The following PTPRD variants were observed in gnomAD, a reference collection of about 807,000 sequenced individuals.
PTPRD encodes the protein receptor-type tyrosine-protein phosphatase delta.
Under a neutral mutation model 214.5 loss-of-function variants are expected in PTPRD, and 34 were observed. That is an observed-to-expected ratio of 0.16 (90% CI 0.12 to 0.21). The LOEUF (loss-of-function observed/expected upper bound fraction) is 0.21. PTPRD is among the 10% of genes least tolerant of loss of function. The pLI is 1.00. For missense variants in PTPRD, 2,545 were observed against 2,398.7 expected, an observed-to-expected ratio of 1.06 and a Z score of -1.27; for synonymous variants, 1,128 against 845.7, an observed-to-expected ratio of 1.33 and a Z score of -5.79.
At chr9:10,068,018 C>T (rs975192892) in intron 3 of PTPRD, among the ~76,000 whole-genome samples, 1 of 151,904 alleles carries the variant, frequency 6.6e-6, no homozygotes, top group Non-Finnish European at 1.5e-5. Flanking sequence ...ACTTTTCCTT[C>T]TATATTTCTG....
intron 6 of PTPRD, among the ~76,000 whole-genome samples, chr9:9,752,273 G>A (rs2098528016): frequency 6.6e-6 from 1 of 152,002 alleles, no homozygotes; most frequent in African/African-American, 2.4e-5. Context: ...TGCCAGTTAT[G>A]CTTTTCCATA....
chr9:9,970,438 A>AG (rs2095023799), intron 4 of PTPRD, among the ~76,000 whole-genome samples: 1 of 140,310 alleles, frequency 7.1e-6, no homozygotes, highest in Admixed American at 7.2e-5. Context: ...TCAAAAAAAA[A>AG]AAAAAGAAAA....
At chr9:8,778,413 T>G (rs1338273198) in intron 11 of PTPRD, among the ~76,000 whole-genome samples, 1 of 152,204 alleles carries the variant, frequency 6.6e-6, no homozygotes, top group Non-Finnish European at 1.5e-5. Flanking sequence ...CAGCTCAGCC[T>G]CCTCTAACTT....
At chr9:8,519,837 G>A (rs1006203366) in intron 20 of PTPRD, among the ~76,000 whole-genome samples, 5 of 152,162 alleles carry the variant, frequency 3.3e-5, no homozygotes, top group African/African-American at 1.2e-4. Flanking sequence ...ACAAAGATGA[G>A]AAGGTGAACA....
At chr9:9,679,017 G>C (rs1478383195) in intron 7 of PTPRD, among the ~76,000 whole-genome samples, 1 of 151,224 alleles carries the variant, frequency 6.6e-6, no homozygotes, top group Non-Finnish European at 1.5e-5. Context: ...AGAAAAGAGG[G>C]TTAAATGCAT....
intron 11 of PTPRD, among the ~76,000 whole-genome samples, chr9:8,852,890 A>G (rs750442025): frequency 6.6e-6 from 1 of 152,198 alleles, no homozygotes; most frequent in Non-Finnish European, 1.5e-5. Context: ...AAGATACAGA[A>G]TTAATCATTT....
chr9:8,413,026 T>C (rs1473998687), intron 35 of PTPRD, among the ~76,000 whole-genome samples: 4 of 152,206 alleles, frequency 2.6e-5, no homozygotes, highest in Admixed American at 2.6e-4. Context: ...AGAAACACTA[T>C]AAGGAAAATT....
rs924513186 is a variant in PTPRD, at chr9:8,354,649, T to C, written c.4662-12671A>G. 3.3e-5 allele frequency among the ~76,000 whole-genome samples: 5 copies of C among 152,328 alleles called. No individual in the cohort carries two copies. In the South Asian group the frequency reaches 8.3e-4, roughly 25 times the overall value. ...TGTTTGTTGGTTGGTTTGACTCAAG[T>C]AGTTGCATATATTTACAGGCTTAAG... On this transcript the variant is annotated intron_variant, in intron 39 of 45. Coordinates refer to ENST00000381196, the MANE Select transcript of PTPRD (RefSeq NM_002839.4).
intron 11 of PTPRD, among the ~76,000 whole-genome samples, chr9:9,008,314 G>C (rs983101258): frequency 6.6e-6 from 1 of 151,160 alleles, no homozygotes; most frequent in African/African-American, 2.4e-5. Context: ...TGCAAGCTCC[G>C]CCTCCCCAGT....
chr9:8,840,336 T>C (rs1396152465), intron 11 of PTPRD, among the ~76,000 whole-genome samples: 1 of 152,166 alleles, frequency 6.6e-6, no homozygotes, highest in African/African-American at 2.4e-5. Flanking sequence ...TTGATGGTTT[T>C]AAAAAGAAGA....
intron 4 of PTPRD, among the ~76,000 whole-genome samples, chr9:10,004,938 G>T (rs2096438802): frequency 6.6e-6 from 1 of 152,010 alleles, no homozygotes; most frequent in Admixed American, 6.6e-5. Context: ...TCTAGCAGAG[G>T]GTCTTAAAAT....
chr9:8,423,191 C>G (rs1397792002), intron 35 of PTPRD, among the ~76,000 whole-genome samples: 1 of 152,118 alleles, frequency 6.6e-6, no homozygotes, highest in Admixed American at 6.6e-5. Flanking sequence ...TCGTCCAGTC[C>G]AATCACCTAA....
At chr9:9,083,810 C>A (rs2099762729) in intron 10 of PTPRD, among the ~76,000 whole-genome samples, 1 of 152,152 alleles carries the variant, frequency 6.6e-6, no homozygotes, top group Non-Finnish European at 1.5e-5. Context: ...AAAAGCTCAT[C>A]ATCACTGGTT....
At chr9:9,406,202 G>A (rs1211742590) in intron 8 of PTPRD, among the ~76,000 whole-genome samples, 2 of 151,880 alleles carry the variant, frequency 1.3e-5, no homozygotes, top group East Asian at 3.9e-4. Flanking sequence ...CCTGAAAAGT[G>A]CTGTTAAAAA....
intron 2 of PTPRD, among the ~76,000 whole-genome samples, chr9:10,362,200 G>A (rs1304163830): frequency 6.6e-6 from 1 of 152,136 alleles, no homozygotes; most frequent in Non-Finnish European, 1.5e-5. Flanking sequence ...AAACGTACTA[G>A]TGAAATGTTT....
At chr9:9,706,612 G>C (rs1277704810) in intron 7 of PTPRD, among the ~76,000 whole-genome samples, 2 of 151,840 alleles carry the variant, frequency 1.3e-5, no homozygotes, top group African/African-American at 4.8e-5. Context: ...GCTATTTTTT[G>C]TATTTTTAGT....
At chr9:9,242,351 T>C (rs1171939552) in intron 9 of PTPRD, among the ~76,000 whole-genome samples, 3 of 152,114 alleles carry the variant, frequency 2.0e-5, no homozygotes, top group South Asian at 2.1e-4. Context: ...AGGAGTATCT[T>C]TGTGGCATTC....
intron 11 of PTPRD, among the ~76,000 whole-genome samples, chr9:8,885,606 C>A (rs929652774): frequency 1.4e-5 from 2 of 147,878 alleles, no homozygotes; most frequent in Admixed American, 6.9e-5. Context: ...AAGCAATTCT[C>A]ATGCCTCAGC....
rs144536263 is a variant in PTPRD at position 10,324,522 on chromosome 9, T to C, written c.-545+16441A>G. 2.7e-4 allele frequency among the ~76,000 whole-genome samples: 41 copies of C among 152,136 alleles called. No homozygotes were observed. In the East Asian group the frequency reaches 8.0e-3, roughly 30 times the overall value. On this transcript the variant is annotated intron_variant, in intron 3 of 45. Transcript: ENST00000381196. Reference sequence around the variant, plus strand: ...AATGTTATTAAAAGGATATGCATAGTAGTTGCCTGAGACATCTGTCTCTCC... The same window carrying C: ...AATGTTATTAAAAGGATATGCATAGCAGTTGCCTGAGACATCTGTCTCTCC...
Sources: allele counts gnomAD v4.1 joint callset (sites outside exome capture counted in the v4.1 genomes callset), GRCh38; gene constraint gnomAD v4.1.1; transcripts MANE v1.5; gene names NCBI Gene and HGNC (gene_info 2026-07-23, HGNC 2026-07-21).